COLEC10: variants seen among roughly 807,000 people sequenced by gnomAD.
The protein encoded by COLEC10 is collectin-10.
Under a neutral mutation model 28.4 loss-of-function variants are expected in COLEC10, and 22 were observed. The observed-to-expected ratio is 0.78, with a 90% CI of 0.55 to 1.11. The LOEUF (loss-of-function observed/expected upper bound fraction) is 1.11, where lower values mean the gene tolerates loss of function less well. COLEC10 is among the 50% of genes least tolerant of loss of function. The pLI, the probability that COLEC10 is intolerant of heterozygous loss-of-function variation, is 0.00. For missense variants in COLEC10, 361 were observed against 344.1 expected, an observed-to-expected ratio of 1.05 and a Z score of -0.39; for synonymous variants, 125 against 116.1, an observed-to-expected ratio of 1.08 and a Z score of -0.49.
At chr8:119,087,181 A>G (rs1454269829) in intron 1 of COLEC10, among the ~76,000 whole-genome samples, 1 of 152,210 alleles carries the variant, frequency 6.6e-6, no homozygotes, top group African/African-American at 2.4e-5. Flanking sequence ...TATTCAGTTC[A>G]ACTACATTTA....
chr8:119,011,362 C>T (rs917229654), intron 2 of COLEC10, among the ~76,000 whole-genome samples: 2 of 150,922 alleles, frequency 1.3e-5, no homozygotes, highest in Non-Finnish European at 1.5e-5. Context: ...GCCAGCACTA[C>T]ACTGTTTTGA....
chr8:119,054,825 A>T (rs1000532790), intron 2 of COLEC10, among the ~76,000 whole-genome samples: 5 of 152,110 alleles, frequency 3.3e-5, no homozygotes, highest in African/African-American at 1.2e-4. Flanking sequence ...CATAAAAAGT[A>T]ATTATGTGTA....
At chr8:119,018,820 T>C (rs1212787104) in intron 2 of COLEC10, among the ~76,000 whole-genome samples, 1 of 152,142 alleles carries the variant, frequency 6.6e-6, no homozygotes, top group African/African-American at 2.4e-5. Flanking sequence ...TCTGATTCCA[T>C]AGGTAGTAAA....
chr8:119,056,761 G>C (rs1270964411), intron 2 of COLEC10, among the ~76,000 whole-genome samples: 1 of 151,490 alleles, frequency 6.6e-6, no homozygotes, highest in South Asian at 2.1e-4. Context: ...TCTAATATTG[G>C]CATTCTTTTT....
At chr8:119,048,699 A>G (rs1010470122) in intron 2 of COLEC10, among the ~76,000 whole-genome samples, 1 of 151,978 alleles carries the variant, frequency 6.6e-6, no homozygotes, top group Admixed American at 6.6e-5. Flanking sequence ...GTAGATCTTA[A>G]TCCATCCCCC....
chr8:119,069,960 C>A (rs116051187), intron 1 of COLEC10, among the ~76,000 whole-genome samples: 2,133 of 152,062 alleles, frequency 0.014, 56 homozygotes, highest in African/African-American at 0.049. Context: ...TGAATTTTCC[C>A]TAAATTCATC....
the COLEC10 span, among the ~76,000 whole-genome samples, chr8:118,966,016 T>C: frequency 1.3e-5 from 2 of 152,212 alleles, no homozygotes; most frequent in East Asian, 1.9e-4. Context: ...TTTTAAACCA[T>C]GTCTAATTTG....
intron 2 of COLEC10, among the ~76,000 whole-genome samples, chr8:119,056,101 T>C (rs1814757301): frequency 1.3e-5 from 2 of 152,056 alleles, no homozygotes; most frequent in South Asian, 2.1e-4. Context: ...GATTTCTTCC[T>C]CTTCTTTACC....
upstream of COLEC10, among the ~76,000 whole-genome samples, chr8:118,993,979 G>A (rs1157150992): frequency 6.6e-6 from 1 of 152,128 alleles, no homozygotes; most frequent in Non-Finnish European, 1.5e-5. Flanking sequence ...CTAATAGCTA[G>A]GACTTGCTTT....
intron 5 of COLEC10, among the ~76,000 whole-genome samples, chr8:119,104,504 C>A (rs1233427439): frequency 6.6e-6 from 1 of 152,024 alleles, no homozygotes. Context: ...TATCCCTTGT[C>A]CATTTTTTAA....
chr8:118,991,734 T>A (rs1813509301), upstream of COLEC10, among the ~76,000 whole-genome samples: 1 of 152,184 alleles, frequency 6.6e-6, no homozygotes, highest in Non-Finnish European at 1.5e-5. Flanking sequence ...CCTGAGTCTG[T>A]GTGGCTAATA....
In COLEC10 at chr8:119,049,178, T is replaced by A. The variant is rs559028597; in HGVS notation, n.235+39625T>A. On this transcript the variant is annotated intron_variant and non_coding_transcript_variant, in intron 2 of 6. Coordinates refer to the COLEC10 transcript ENST00000521788. ...AAATAGTCCCCCAATCTCTTCTGACTTGTAAAGCTTCTACTGAGAGGTCTG... is the reference window on the plus strand; with the variant it reads ...AAATAGTCCCCCAATCTCTTCTGACATGTAAAGCTTCTACTGAGAGGTCTG... Among the ~76,000 whole-genome samples the A allele has an allele frequency of 5.3e-5, 8 of 152,278 alleles. No individual in the cohort carries two copies. In the East Asian group the frequency reaches 1.2e-3, roughly 22 times the overall value.
At chr8:118,962,920 A>G in the COLEC10 span, among the ~76,000 whole-genome samples, 1 of 152,200 alleles carries the variant, frequency 6.6e-6, no homozygotes, top group Non-Finnish European at 1.5e-5. Flanking sequence ...GTTAACAAAT[A>G]TTGTAAGAAC....
intron 2 of COLEC10, among the ~76,000 whole-genome samples, chr8:119,054,845 G>A (rs892105138): frequency 6.6e-6 from 1 of 152,020 alleles, no homozygotes; most frequent in Non-Finnish European, 1.5e-5. Flanking sequence ...ATAAAAGACT[G>A]CAATATCTAT....
chr8:118,991,250 A>C (rs1281406404), upstream of COLEC10, among the ~76,000 whole-genome samples: 7 of 152,134 alleles, frequency 4.6e-5, no homozygotes, highest in Non-Finnish European at 1.0e-4. Context: ...TACCTGCAAC[A>C]CTTACTAGCT....
upstream of COLEC10, among the ~76,000 whole-genome samples, chr8:119,063,598 G>A (rs1563731375): frequency 6.6e-6 from 1 of 151,966 alleles, no homozygotes; most frequent in Non-Finnish European, 1.5e-5. Context: ...AGATAATCTA[G>A]GATGATCTCA....
intron 2 of COLEC10, among the ~76,000 whole-genome samples, chr8:119,015,913 C>G (rs926129007): frequency 6.6e-6 from 1 of 152,150 alleles, no homozygotes; most frequent in Non-Finnish European, 1.5e-5. Context: ...AAGGTAGTAA[C>G]AGCAACTAAC....
chr8:118,964,034 G>A, the COLEC10 span, among the ~76,000 whole-genome samples: 1 of 152,146 alleles, frequency 6.6e-6, no homozygotes, highest in Non-Finnish European at 1.5e-5. Flanking sequence ...TGTTAAAAGT[G>A]CTATGGAGCA....
At chr8:119,094,208 A>C (rs1001916490) in intron 3 of COLEC10, among the ~76,000 whole-genome samples, 2 of 152,144 alleles carry the variant, frequency 1.3e-5, no homozygotes. Flanking sequence ...GGGCTGTGGA[A>C]AAGAAGCAAT....
Sources: gnomAD v4.1 joint callset for allele counts (sites outside exome capture counted in the v4.1 genomes callset) on GRCh38, gnomAD v4.1.1 for gene constraint, MANE v1.5 for transcripts, NCBI Gene and HGNC (gene_info 2026-07-23, HGNC 2026-07-21) for gene names.